The following FSTL5 variants were observed in gnomAD, a reference collection of about 807,000 sequenced individuals.
FSTL5 encodes follistatin like 5.
A neutral mutation model predicts 89.1 loss-of-function variants in FSTL5; 62 were observed. The ratio of observed to expected loss-of-function variants is 0.70; its 90% CI spans 0.57 to 0.86. FSTL5 has a LOEUF of 0.86. Among genes scored for constraint, FSTL5 ranks in the 40% least tolerant of loss-of-function variants. The pLI, the probability that FSTL5 is intolerant of heterozygous loss-of-function variation, is 0.00. For synonymous variants in FSTL5, 383 were observed against 346.2 expected (o/e 1.11, Z -1.18); for missense variants, 1,057 against 1,001.6 (o/e 1.06, Z -0.75).
intron 6 of FSTL5, among the ~76,000 whole-genome samples, chr4:161,744,697 C>T (rs765369390): frequency 6.6e-6 from 1 of 151,990 alleles, no homozygotes; most frequent in Non-Finnish European, 1.5e-5. Context: ...GAAATCATGT[C>T]TCAGCTAAAG....
At chr4:161,584,800 C>T (rs1733549998) in intron 8 of FSTL5, among the ~76,000 whole-genome samples, 1 of 152,114 alleles carries the variant, frequency 6.6e-6, no homozygotes, top group African/African-American at 2.4e-5. Context: ...CATTGGTTTT[C>T]TCTCCAAACC....
chr4:161,638,622 G>C (rs1316262258), intron 7 of FSTL5, among the ~76,000 whole-genome samples: 3 of 145,766 alleles, frequency 2.1e-5, no homozygotes, highest in East Asian at 2.0e-4. Flanking sequence ...AATAGAAAAA[G>C]AGGGAATCCT....
At chr4:161,961,189 C>T (rs970626314) in intron 3 of FSTL5, among the ~76,000 whole-genome samples, 1 of 151,966 alleles carries the variant, frequency 6.6e-6, no homozygotes, top group Admixed American at 6.6e-5. Context: ...GTCTCTGTAC[C>T]CTTGAACTAT....
intron 15 of FSTL5, among the ~76,000 whole-genome samples, chr4:161,452,112 T>C (rs1430110489): frequency 1.3e-5 from 2 of 152,200 alleles, no homozygotes; most frequent in Non-Finnish European, 2.9e-5. Context: ...TGTCAAATTC[T>C]GAAAAACACA....
intron 4 of FSTL5, among the ~76,000 whole-genome samples, chr4:161,849,436 A>G (rs1377534505): frequency 6.6e-6 from 1 of 152,010 alleles, no homozygotes; most frequent in Non-Finnish European, 1.5e-5. Flanking sequence ...AAGCTTTGGC[A>G]TATCTTCGAT....
intron 13 of FSTL5, among the ~76,000 whole-genome samples, chr4:161,467,992 A>C (rs1733804127): frequency 6.6e-6 from 1 of 152,126 alleles, no homozygotes; most frequent in African/African-American, 2.4e-5. Flanking sequence ...CAGTATGGAA[A>C]TTTTCATTCC....
intron 7 of FSTL5, among the ~76,000 whole-genome samples, chr4:161,628,191 G>A (rs1043988351): frequency 3.3e-5 from 5 of 152,134 alleles, no homozygotes; most frequent in African/African-American, 9.7e-5. Context: ...TTCACACTGT[G>A]TCTGGCATGT....
chr4:161,736,064 T>C (rs1386819376), intron 6 of FSTL5, among the ~76,000 whole-genome samples: 1 of 152,112 alleles, frequency 6.6e-6, no homozygotes, highest in Non-Finnish European at 1.5e-5. Flanking sequence ...ATTGTTAAAG[T>C]AGGGTTCTCT....
At chr4:161,686,331 TATATATATA>T (rs1444308620) in intron 6 of FSTL5, among the ~76,000 whole-genome samples, 74 of 8,694 alleles carry the variant, frequency 8.5e-3, no homozygotes, top group Non-Finnish European at 0.016. Context: ...TATATATATA[TATATATATA>T]TATATATTTT....
intron 13 of FSTL5, among the ~76,000 whole-genome samples, chr4:161,473,826 T>G (rs1000727590): frequency 6.6e-6 from 1 of 152,178 alleles, no homozygotes; most frequent in African/African-American, 2.4e-5. Flanking sequence ...CAATCCCTTA[T>G]CTTTCAGACT....
intron 1 of FSTL5, among the ~76,000 whole-genome samples, chr4:162,151,886 A>G (rs1733238950): frequency 6.6e-6 from 1 of 152,202 alleles, no homozygotes; most frequent in Non-Finnish European, 1.5e-5. Context: ...AAGCAGCACT[A>G]GAAGGCCAGA....
At chr4:161,666,875 T>A (rs1736916232) in intron 6 of FSTL5, among the ~76,000 whole-genome samples, 1 of 152,110 alleles carries the variant, frequency 6.6e-6, no homozygotes. Context: ...AAAATGGTAG[T>A]TTCTTCCTAT....
intron 12 of FSTL5, among the ~76,000 whole-genome samples, chr4:161,484,489 C>A (rs900867049): frequency 6.6e-6 from 1 of 152,174 alleles, no homozygotes; most frequent in African/African-American, 2.4e-5. Context: ...AGAAACACTT[C>A]ATAAAACAGT....
At chr4:161,445,501 T>C (rs1732914521) in intron 15 of FSTL5, among the ~76,000 whole-genome samples, 1 of 151,954 alleles carries the variant, frequency 6.6e-6, no homozygotes. Context: ...AATGACTTTA[T>C]TAATAAGAAT....
At chr4:161,696,429 T>C (rs1474662652) in intron 6 of FSTL5, among the ~76,000 whole-genome samples, 1 of 152,138 alleles carries the variant, frequency 6.6e-6, no homozygotes, top group Non-Finnish European at 1.5e-5. Flanking sequence ...TTAGTCTTGC[T>C]TTGTTTATGC....
intron 4 of FSTL5, among the ~76,000 whole-genome samples, chr4:161,893,847 T>C (rs1332149364): frequency 3.9e-5 from 6 of 152,208 alleles, no homozygotes; most frequent in Non-Finnish European, 8.8e-5. Context: ...ACTGACTTTT[T>C]CTTTTCTTTC....
intron 10 of FSTL5, among the ~76,000 whole-genome samples, chr4:161,521,848 C>CAAAAAAAAAAAAAAAAAAA (rs11405532): frequency 3.4e-5 from 2 of 58,172 alleles, no homozygotes; most frequent in African/African-American, 1.9e-4. Flanking sequence ...GACTCCACCT[C>CAAAAAAAAAAAAAAAAAAA]AAAAAAAAAA....
chr4:161,596,707 A>C (rs1420540479), intron 7 of FSTL5, among the ~76,000 whole-genome samples: 1 of 152,172 alleles, frequency 6.6e-6, no homozygotes, highest in African/African-American at 2.4e-5. Context: ...AAGTTTTATA[A>C]ATGTGGTTTG....
intron 11 of FSTL5, among the ~76,000 whole-genome samples, chr4:161,507,105 C>T (rs951886984): frequency 6.6e-6 from 1 of 151,848 alleles, no homozygotes; most frequent in East Asian, 1.9e-4. Flanking sequence ...TTAAAAATCC[C>T]ATTTTATATA....
Sources: gnomAD v4.1 joint callset for allele counts (sites outside exome capture counted in the v4.1 genomes callset) on GRCh38, gnomAD v4.1.1 for gene constraint, MANE v1.5 for transcripts, NCBI Gene and HGNC (gene_info 2026-07-23, HGNC 2026-07-21) for gene names.